The following POLD3 variants were observed in gnomAD, a reference collection of about 807,000 sequenced individuals.
POLD3 encodes DNA polymerase delta subunit 3.
In POLD3, 19 loss-of-function variants were observed where a neutral mutation model predicts 58.2. The observed-to-expected ratio is 0.33, with a 90% CI of 0.23 to 0.48. The LOEUF (loss-of-function observed/expected upper bound fraction) is 0.48, where lower values mean the gene tolerates loss of function less well. POLD3 is among the 20% of genes least tolerant of loss of function. The probability of loss-of-function intolerance (pLI) is 0.99; values close to 1 mark genes in which losing one functional copy is unlikely to be tolerated. For missense variants in POLD3, 504 were observed against 545.5 expected (o/e 0.92, Z 0.76); for synonymous variants, 172 against 193.5 (o/e 0.89, Z 0.92).
At chr11:74,626,308 C>T (rs2032433163) in intron 8 of POLD3, among the ~76,000 whole-genome samples, 1 of 152,188 alleles carries the variant, frequency 6.6e-6, no homozygotes, top group South Asian at 2.1e-4. Context: ...GTACGTCACT[C>T]ACTGTTGATA....
chr11:74,641,628 A>G lies in POLD3; in HGVS notation c.*862A>G, dbSNP rs575988163. 116 of 985,436 alleles carry G rather than the reference A, an allele frequency of 1.2e-4. No homozygotes were observed. The African/African-American group carries it at 1.7e-3, about 14-fold the overall frequency. 61.0% of individuals were successfully genotyped at this position (985,436 alleles called of 1,614,324 possible). On this transcript the variant is annotated 3_prime_UTR_variant, in exon 12 of 12. Coordinates refer to ENST00000263681, the MANE Select transcript of POLD3 (RefSeq NM_006591.3). Reference sequence around the variant, plus strand: ...TCAATACCTAGAGAGTGAAACCCGTACAATGAGATAAAGACTAAAAAGAGA... The same window carrying G: ...TCAATACCTAGAGAGTGAAACCCGTGCAATGAGATAAAGACTAAAAAGAGA...
intron 7 of POLD3, among the ~76,000 whole-genome samples, chr11:74,620,878 C>G (rs2032229338): frequency 6.6e-6 from 1 of 150,944 alleles, no homozygotes; most frequent in Non-Finnish European, 1.5e-5. Flanking sequence ...AGAATTCTGC[C>G]TTTCCATGAT....
At chr11:74,650,961 G>A (rs2033061630) in intron 4 of POLD3, among the ~76,000 whole-genome samples, 1 of 152,228 alleles carries the variant, frequency 6.6e-6, no homozygotes. Flanking sequence ...TTTACTTCGG[G>A]CAGACAGTGT....
At position 74,618,767 on chromosome 11, in the gene POLD3, A is replaced by T. The variant is rs1462174010; in HGVS notation, c.623A>T (p.Asn208Ile). 1 of 1,613,786 alleles carries T rather than the reference A, an allele frequency of 6.2e-7. No individual in the cohort carries two copies. Among genetic ancestry groups the T allele is most frequent in the Non-Finnish European group, 8.5e-7 (1 of 1,179,694 alleles). The change falls in exon 6 of 12, where the codon AAC (asparagine) becomes ATC (isoleucine). Residue 208 changes from asparagine (N) to isoleucine (I), a missense_variant. Asn to Ile is a moderately radical substitution (Grantham distance 149). This residue lies in a region of POLD3 where 385 missense variants were observed against 370.5 expected (regional missense o/e 1.04). Transcript: ENST00000263681. ...GCTGCTGCTAAAACCCAAGAAACCA[A>T]CAAGGAAACGAAAACAGAGGCTAAA... is the stretch of plus-strand genomic sequence containing the variant. ...SKAAAKTQET[N>I]KETKTEAKEV...
At chr11:74,603,580 ACT>A (rs1286029173) in intron 2 of POLD3, among the ~76,000 whole-genome samples, 1 of 152,124 alleles carries the variant, frequency 6.6e-6, no homozygotes, top group African/African-American at 2.4e-5. Context: ...ATGGTCAGTC[ACT>A]CTAATACATA....
At chr11:74,614,571 A>G (rs759007623) in intron 5 of POLD3, among the ~76,000 whole-genome samples, 16 of 152,154 alleles carry the variant, frequency 1.1e-4, no homozygotes, top group Admixed American at 2.0e-4. Flanking sequence ...TTAGCTGGGC[A>G]CGGTGGCAGG....
intron 3 of POLD3, among the ~76,000 whole-genome samples, chr11:74,608,269 C>T (rs2031765217): frequency 6.6e-6 from 1 of 152,206 alleles, no homozygotes; most frequent in Admixed American, 6.5e-5. Flanking sequence ...ACATGCACCA[C>T]CATGCCCAGC....
chr11:74,668,776 G>C lies in POLD3; in HGVS notation c.370-1G>C, dbSNP rs534769182. ...TCCTTTCTGTTGTGTTTTTTTTACA[G>C]TGGTGCTGGACATGCAGTCCCACTC... On this transcript the variant is annotated splice_acceptor_variant, in intron 4 of 4. Transcript: ENST00000524752. LOFTEE classifies it low-confidence loss of function (ANC_ALLELE). 97 of 1,288,140 alleles carry C rather than the reference G, an allele frequency of 7.5e-5. No individual in the cohort carries two copies. In the African/African-American group the frequency reaches 1.2e-3, roughly 16 times the overall value. The allele number at this position is 1,288,140 out of a possible 1,614,324, so 79.8% of individuals were successfully genotyped here. A position where few individuals can be genotyped will look rare whatever the true frequency, so the allele number is the denominator to read the frequency against.
intron 9 of POLD3, 25 bp from the exon 10 acceptor site, chr11:74,634,558 A>T (rs1339832729): frequency 8.0e-7 from 1 of 1,243,756 alleles, no homozygotes; most frequent in African/African-American, 1.5e-5. Context: ...TAGTTCTCTG[A>T]TCTAAGTCCG....
At chr11:74,610,030 C>G (rs2031852907) in intron 3 of POLD3, among the ~76,000 whole-genome samples, 1 of 152,156 alleles carries the variant, frequency 6.6e-6, no homozygotes, top group African/African-American at 2.4e-5. Context: ...AGTAGGATTG[C>G]TCGGTCAAAG....
chr11:74,613,759 A>G (rs192582946), intron 5 of POLD3, among the ~76,000 whole-genome samples: 1 of 152,214 alleles, frequency 6.6e-6, no homozygotes, highest in Non-Finnish European at 1.5e-5. Context: ...CATACCATAC[A>G]GTATAGAGTG....
intron 3 of POLD3, among the ~76,000 whole-genome samples, chr11:74,605,543 G>A (rs1020461455): frequency 2.6e-5 from 4 of 151,992 alleles, no homozygotes; most frequent in South Asian, 2.1e-4. Context: ...CCTCTCTGGC[G>A]TCCTCCCAAA....
rs1405582179 is a variant in POLD3 at position 74,642,228 on chromosome 11, G to C, written c.*1462G>C. On this transcript the variant is annotated 3_prime_UTR_variant, in exon 12 of 12. Transcript: ENST00000263681. ...TGAACTTGATTAAGACCAGAAGTTT[G>C]GGAGATGAGTCCTGGCATTATGTCT... 2 of 985,296 alleles carry C rather than the reference G, an allele frequency of 2.0e-6. No homozygotes were observed. The highest frequency in any genetic ancestry group is 2.4e-6 in the Non-Finnish European group (2 of 829,920). 61.0% of individuals were successfully genotyped at this position (985,296 alleles called of 1,614,324 possible).
chr11:74,595,897 T>C lies in POLD3; in HGVS notation c.116+1781T>C, dbSNP rs148174525. 4.6e-3 allele frequency among the ~76,000 whole-genome samples: 704 copies of C among 152,290 alleles called. 5 individuals are homozygous for C. The highest frequency in any genetic ancestry group is 0.016 in the African/African-American group (685 of 41,558). ...CCTTGGCCTCCCAAAGTGCTGGGATTACAGACATAAGCCACCATGCCTGGC... is the reference window on the plus strand; with the variant it reads ...CCTTGGCCTCCCAAAGTGCTGGGATCACAGACATAAGCCACCATGCCTGGC... On this transcript the variant is annotated intron_variant, in intron 2 of 11. Coordinates refer to ENST00000263681, the MANE Select transcript of POLD3 (RefSeq NM_006591.3).
chr11:74,618,191 T>C (rs2032138033), intron 5 of POLD3, among the ~76,000 whole-genome samples: 1 of 151,670 alleles, frequency 6.6e-6, no homozygotes, highest in African/African-American at 2.4e-5. Flanking sequence ...TTTATTATTG[T>C]TGGTTGCATT....
rs369270914 is a variant in POLD3 at position 74,592,653 on chromosome 11, C to G, written c.-6C>G. The G allele has an allele frequency of 3.1e-6, 5 of 1,610,456 alleles. No homozygotes were observed. The highest frequency in any genetic ancestry group is 4.2e-6 in the Non-Finnish European group (5 of 1,178,266). On this transcript the variant is annotated 5_prime_UTR_variant, in exon 1 of 12. Transcript: ENST00000263681. Reference sequence around the variant, plus strand: ...GGTTAGAGGCGGGTCCCAGCGCTGCCGCACCATGGCGGACCAGCTTTATCT... The same window carrying G: ...GGTTAGAGGCGGGTCCCAGCGCTGCGGCACCATGGCGGACCAGCTTTATCT...
chr11:74,603,606 G>C (rs945493124), intron 2 of POLD3, among the ~76,000 whole-genome samples: 2 of 152,096 alleles, frequency 1.3e-5, no homozygotes, highest in Non-Finnish European at 2.9e-5. Flanking sequence ...TGAAAAAATA[G>C]CTAAAGACAG....
chr11:74,602,263 A>G (rs1239042074), intron 2 of POLD3, among the ~76,000 whole-genome samples: 1 of 152,118 alleles, frequency 6.6e-6, no homozygotes, highest in Non-Finnish European at 1.5e-5. Context: ...GCTTTATAAC[A>G]AGGAATTATG....
chr11:74,631,681 A>T (rs552930398), intron 9 of POLD3, among the ~76,000 whole-genome samples: 5 of 151,574 alleles, frequency 3.3e-5, no homozygotes, highest in African/African-American at 1.2e-4. Flanking sequence ...ATGGGGTTTC[A>T]CCATGTTGGC....
Sources: allele counts gnomAD v4.1 joint callset (sites outside exome capture counted in the v4.1 genomes callset), GRCh38; gene constraint gnomAD v4.1.1; regional missense constraint gnomAD v4.1.1; transcripts MANE v1.5; gene names NCBI Gene and HGNC (gene_info 2026-07-23, HGNC 2026-07-21).